The following SGCZ variants were observed in gnomAD, a reference collection of about 807,000 sequenced individuals.
SGCZ encodes zeta-sarcoglycan.
SGCZ carries 40 observed loss-of-function variants against 41.3 expected under a neutral mutation model. The observed-to-expected ratio is 0.97, with a 90% CI of 0.75 to 1.26. The LOEUF (loss-of-function observed/expected upper bound fraction) is 1.26, where lower values mean the gene tolerates loss of function less well. Among genes scored for constraint, SGCZ ranks in the 50% most tolerant of loss-of-function variants. The pLI, the probability that SGCZ is intolerant of heterozygous loss-of-function variation, is 0.00. For missense variants in SGCZ, 552 were observed against 369.8 expected (o/e 1.49, Z -4.04); for synonymous variants, 206 against 137.5 (o/e 1.50, Z -3.49).
chr8:15,229,715 C>T (rs1043737323), intron 1 of SGCZ, among the ~76,000 whole-genome samples: 10 of 152,184 alleles, frequency 6.6e-5, no homozygotes, highest in African/African-American at 2.4e-4. Flanking sequence ...TAAACACAGA[C>T]TTTGGAATCA....
intron 7 of SGCZ, among the ~76,000 whole-genome samples, chr8:14,097,594 T>C (rs1321047266): frequency 1.3e-5 from 2 of 152,160 alleles, no homozygotes; most frequent in East Asian, 3.9e-4. Flanking sequence ...TCTGTAGATG[T>C]TTCTTAGGTC....
chr8:14,619,310 A>G (rs567423523), intron 1 of SGCZ, among the ~76,000 whole-genome samples: 76 of 152,278 alleles, frequency 5.0e-4, no homozygotes, highest in Middle Eastern at 6.8e-3. Context: ...AGAGCTATCT[A>G]TGACAAACCC....
intron 1 of SGCZ, among the ~76,000 whole-genome samples, chr8:14,702,744 G>A (rs867758808): frequency 1.1e-5 from 1 of 89,102 alleles, no homozygotes; most frequent in Non-Finnish European, 3.1e-5. Flanking sequence ...TAGATAGATA[G>A]ATAGATAGAT....
chr8:14,257,109 GC>G (rs1799492556), intron 3 of SGCZ, among the ~76,000 whole-genome samples: 1 of 152,036 alleles, frequency 6.6e-6, no homozygotes, highest in South Asian at 2.1e-4. Context: ...TGGACAGATT[GC>G]TTTAATCCAC....
At chr8:14,535,140 G>C (rs981586777) in intron 2 of SGCZ, among the ~76,000 whole-genome samples, 3 of 151,892 alleles carry the variant, frequency 2.0e-5, no homozygotes, top group Non-Finnish European at 4.4e-5. Context: ...TGAACATTTT[G>C]TTCAGGGCTC....
chr8:14,819,145 T>G (rs1280767094), intron 1 of SGCZ, among the ~76,000 whole-genome samples: 2 of 140,232 alleles, frequency 1.4e-5, no homozygotes, highest in Non-Finnish European at 3.0e-5. Flanking sequence ...AAAAAAAAAG[T>G]AAAAGTAAAA....
intron 1 of SGCZ, among the ~76,000 whole-genome samples, chr8:15,087,115 C>T (rs1805978319): frequency 6.6e-6 from 1 of 152,068 alleles, no homozygotes; most frequent in Admixed American, 6.6e-5. Flanking sequence ...TTTTGTTACC[C>T]TGTCCCTAAA....
chr8:14,586,677 A>C (rs544747353), intron 1 of SGCZ, among the ~76,000 whole-genome samples: 1 of 152,330 alleles, frequency 6.6e-6, no homozygotes, highest in East Asian at 1.9e-4. Context: ...ATGTCTCATT[A>C]CTGTGGTCAA....
chr8:14,235,542 T>G (rs1806724831), intron 4 of SGCZ, among the ~76,000 whole-genome samples: 1 of 152,196 alleles, frequency 6.6e-6, no homozygotes. Context: ...GCACACTAAA[T>G]TCTTTATTTC....
rs558021830 is a variant in SGCZ, at chr8:14,301,831, CATCT to C, written c.336+22268_336+22271del. 5.0e-3 allele frequency among the ~76,000 whole-genome samples: 767 copies of C among 152,190 alleles called. 6 individuals are homozygous for C. The highest frequency in any genetic ancestry group is 6.9e-3 in the Non-Finnish European group (471 of 67,988). On this transcript the variant is annotated intron_variant, in intron 3 of 7. Transcript: ENST00000382080. ...TATGACTTTATAGTATTTTGTTATT[CATCT>C]ATCTCTTTTAGAAAATGGGGATTTT...
chr8:14,470,847 T>C (rs1801194171), intron 2 of SGCZ, among the ~76,000 whole-genome samples: 1 of 152,146 alleles, frequency 6.6e-6, no homozygotes, highest in South Asian at 2.1e-4. Flanking sequence ...GATATCAAAA[T>C]AGGCAGTTCT....
At chr8:14,480,215 T>C (rs967244939) in intron 2 of SGCZ, among the ~76,000 whole-genome samples, 1 of 152,228 alleles carries the variant, frequency 6.6e-6, no homozygotes. Context: ...ATATACTTTA[T>C]GTATGAATAA....
intron 1 of SGCZ, among the ~76,000 whole-genome samples, chr8:14,864,687 A>C (rs973932351): frequency 1.3e-5 from 2 of 152,150 alleles, no homozygotes; most frequent in African/African-American, 4.8e-5. Flanking sequence ...AGACTTCTTA[A>C]ACTGTAGAAT....
At chr8:14,849,454 A>G (rs1280689086) in intron 1 of SGCZ, among the ~76,000 whole-genome samples, 3 of 152,190 alleles carry the variant, frequency 2.0e-5, no homozygotes, top group Non-Finnish European at 1.5e-5. Context: ...CATAGAATGG[A>G]ATACTACTCA....
chr8:14,143,715 G>T (rs1803439668), intron 5 of SGCZ, among the ~76,000 whole-genome samples: 1 of 152,094 alleles, frequency 6.6e-6, no homozygotes, highest in South Asian at 2.1e-4. Context: ...ACTGTGTATG[G>T]CTGAAAGAGG....
At chr8:14,683,397 G>C (rs549743168) in intron 1 of SGCZ, among the ~76,000 whole-genome samples, 8 of 151,884 alleles carry the variant, frequency 5.3e-5, no homozygotes, top group Non-Finnish European at 1.0e-4. Context: ...TATAAAAAAA[G>C]AATTTAAGAA....
chr8:14,216,088 A>C (rs1292152456), intron 4 of SGCZ, among the ~76,000 whole-genome samples: 1 of 152,242 alleles, frequency 6.6e-6, no homozygotes, highest in East Asian at 1.9e-4. Context: ...CATTTGTGGA[A>C]AATTAACATG....
chr8:14,378,023 A>C (rs1804201323), intron 2 of SGCZ, among the ~76,000 whole-genome samples: 1 of 149,364 alleles, frequency 6.7e-6, no homozygotes, highest in Admixed American at 6.7e-5. Context: ...AGCATGATTT[A>C]TAGTCCTTTG....
intron 1 of SGCZ, among the ~76,000 whole-genome samples, chr8:15,001,150 T>C (rs538399127): frequency 6.6e-6 from 1 of 152,312 alleles, no homozygotes; most frequent in East Asian, 1.9e-4. Flanking sequence ...GAAATTGTTC[T>C]CTGAGTATCA....
Sources: allele counts gnomAD v4.1 joint callset (sites outside exome capture counted in the v4.1 genomes callset), GRCh38; gene constraint gnomAD v4.1.1; transcripts MANE v1.5; gene names NCBI Gene and HGNC (gene_info 2026-07-23, HGNC 2026-07-21).